The following PEAK1 variants were observed in gnomAD, a reference collection of about 807,000 sequenced individuals.
PEAK1 encodes inactive tyrosine-protein kinase PEAK1.
A neutral mutation model predicts 124.7 loss-of-function variants in PEAK1; 54 were observed. That is an observed-to-expected ratio of 0.43 (90% confidence interval 0.35 to 0.54). The LOEUF (loss-of-function observed/expected upper bound fraction) is 0.54. PEAK1 is among the 20% of genes least tolerant of loss of function. The pLI, the probability that PEAK1 is intolerant of heterozygous loss-of-function variation, is 0.01. For missense variants in PEAK1, 2,046 were observed against 2,134.5 expected (o/e 0.96, Z 0.82); for synonymous variants, 719 against 760.0 (o/e 0.95, Z 0.89).
chr15:77,181,946 C>A lies in PEAK1; in HGVS notation c.-20G>T. 7 of 1,529,364 alleles carry A rather than the reference C, an allele frequency of 4.6e-6. No individual in the cohort carries two copies. The highest frequency in any genetic ancestry group is 6.1e-6 in the Non-Finnish European group (7 of 1,140,938). 94.7% of individuals were successfully genotyped at this position (1,529,364 alleles called of 1,614,324 possible). ...AGACATTTTTAAAAATAGAACTTCA[C>A]AGACAATGCTTTTCTTTCAGTGCAT... is the stretch of plus-strand genomic sequence containing the variant. On this transcript the variant is annotated 5_prime_UTR_variant, in exon 7 of 10. Transcript: ENST00000682557.
At chr15:77,221,422 G>C (rs2059386030) in intron 6 of PEAK1, among the ~76,000 whole-genome samples, 1 of 152,108 alleles carries the variant, frequency 6.6e-6, no homozygotes, top group Admixed American at 6.6e-5. Flanking sequence ...TGAGCAGCCA[G>C]ATGGTTGGTA....
At chr15:77,337,182 A>T in intron 2 of PEAK1, 1 of 985,106 alleles carries the variant, frequency 1.0e-6, no homozygotes, top group Non-Finnish European at 1.2e-6. Flanking sequence ...TTTGAGAAGC[A>T]GGTAGAGGAG....
rs1186812139 is a variant in PEAK1, at chr15:77,113,883, C to T, written c.*273G>A. 6 of 425,532 alleles carry T rather than the reference C, an allele frequency of 1.4e-5. No homozygotes were observed. In the East Asian group the frequency reaches 2.3e-4, roughly 17 times the overall value. 26.4% of individuals were successfully genotyped at this position (425,532 alleles called of 1,614,324 possible). A position where few individuals can be genotyped will look rare whatever the true frequency, so the allele number is the denominator to read the frequency against. Reference sequence around the variant, plus strand: ...TCAAGAATATGGATTTTCATTTTTACCTGCATTTATGGGACTATTAGGATA... The same window carrying T: ...TCAAGAATATGGATTTTCATTTTTATCTGCATTTATGGGACTATTAGGATA... On this transcript the variant is annotated 3_prime_UTR_variant, in exon 10 of 10. Coordinates refer to ENST00000682557, the MANE Select transcript of PEAK1 (RefSeq NM_001385026.1).
chr15:77,307,583 A>G (rs1461100668), intron 2 of PEAK1, among the ~76,000 whole-genome samples: 1 of 152,054 alleles, frequency 6.6e-6, no homozygotes, highest in Non-Finnish European at 1.5e-5. Flanking sequence ...CCTCTTCAGG[A>G]GGTCTTATGC....
At chr15:77,386,233 C>T (rs1268771212) in intron 1 of PEAK1, among the ~76,000 whole-genome samples, 1 of 152,128 alleles carries the variant, frequency 6.6e-6, no homozygotes, top group Non-Finnish European at 1.5e-5. Flanking sequence ...AGATGTGGAC[C>T]CACGAAGTAC....
intron 6 of PEAK1, among the ~76,000 whole-genome samples, chr15:77,246,109 A>G (rs1259801459): frequency 6.7e-6 from 1 of 149,006 alleles, no homozygotes; most frequent in Non-Finnish European, 1.5e-5. Flanking sequence ...CCAGGGTTCA[A>G]GCAATTATCC....
chr15:77,124,759 T>G (rs1220962464), intron 9 of PEAK1, among the ~76,000 whole-genome samples: 1 of 152,208 alleles, frequency 6.6e-6, no homozygotes, highest in Non-Finnish European at 1.5e-5. Flanking sequence ...CAAAATAAAG[T>G]CTAACCTCTT....
intron 8 of PEAK1, among the ~76,000 whole-genome samples, chr15:77,140,708 C>A (rs2053709837): frequency 6.6e-6 from 1 of 151,748 alleles, no homozygotes; most frequent in Admixed American, 6.6e-5. Flanking sequence ...TGCGTTCTTG[C>A]CATTTCTTTT....
intron 9 of PEAK1, among the ~76,000 whole-genome samples, chr15:77,126,390 G>T: frequency 6.6e-6 from 1 of 152,010 alleles, no homozygotes; most frequent in African/African-American, 2.4e-5. Context: ...TTAAATTCTT[G>T]AAGCTGTCTG....
chr15:77,232,453 A>G (rs914964113), intron 6 of PEAK1, among the ~76,000 whole-genome samples: 5 of 152,176 alleles, frequency 3.3e-5, no homozygotes, highest in African/African-American at 9.7e-5. Context: ...CCATTTTGAG[A>G]TAAGAGTTTC....
intron 6 of PEAK1, among the ~76,000 whole-genome samples, chr15:77,237,637 T>G (rs983951495): frequency 3.9e-5 from 6 of 152,098 alleles, no homozygotes; most frequent in African/African-American, 1.4e-4. Context: ...TATGTATTTA[T>G]TTTTTTCTAC....
At chr15:77,217,355 A>G (rs1409903183) in intron 6 of PEAK1, among the ~76,000 whole-genome samples, 1 of 152,142 alleles carries the variant, frequency 6.6e-6, no homozygotes, top group East Asian at 1.9e-4. Context: ...GGTCATGACA[A>G]CAGTTTTTTG....
chr15:77,154,817 ACT>A (rs2054976437), intron 8 of PEAK1, among the ~76,000 whole-genome samples: 1 of 151,550 alleles, frequency 6.6e-6, no homozygotes, highest in Non-Finnish European at 1.5e-5. Flanking sequence ...ATTGGCCCCC[ACT>A]CTCTTCTGGC....
Position 77,224,076 on chromosome 15 carries a change from A to G in PEAK1, c.-115+28291T>C, listed in dbSNP as rs2059519349. Among the ~76,000 whole-genome samples, 5 of 151,650 alleles carry G rather than the reference A, an allele frequency of 3.3e-5. 1 individual carries two copies. The Admixed American group carries it at 3.3e-4, about 10-fold the overall frequency. ...TGGACAGGGTTATTCTTTATCTCTC[A>G]TAATAATTTAAAATATCTGAATCAA... On this transcript the variant is annotated intron_variant, in intron 6 of 9. Coordinates refer to ENST00000682557, the MANE Select transcript of PEAK1 (RefSeq NM_001385026.1).
At position 77,114,743 on chromosome 15, in the gene PEAK1, T is replaced by C. The variant is rs536085287; in HGVS notation, c.4654A>G (p.Ile1552Val). 1 of 1,613,386 alleles carries C rather than the reference T, an allele frequency of 6.2e-7. No homozygotes were observed. Among genetic ancestry groups the C allele is most frequent in the Non-Finnish European group, 8.5e-7 (1 of 1,179,934 alleles). Reference protein sequence around the residue: ...SPTSSYPTRLIVSNFSQAKQK... With the variant: ...SPTSSYPTRLVVSNFSQAKQK... ...TTGGCCTGAGAGAAGTTGCTCACTA[T>C]AAGCCTAGTGGGATAAGATGAGGTG... The change falls in exon 10 of 10, where the codon ATA (isoleucine) becomes GTA (valine). Residue 1552 changes from isoleucine (I) to valine (V), a missense_variant. Transcript: ENST00000682557.
chr15:77,419,511 C>T (rs2073185978), intron 1 of PEAK1: 2 of 985,246 alleles, frequency 2.0e-6, no homozygotes, highest in Non-Finnish European at 2.4e-6. Context: ...CCGGCTCCGT[C>T]CCGACGCTGC....
intron 1 of PEAK1, among the ~76,000 whole-genome samples, chr15:77,406,057 A>G (rs1427298068): frequency 6.6e-6 from 1 of 152,220 alleles, no homozygotes; most frequent in Non-Finnish European, 1.5e-5. Flanking sequence ...TATGCTGCAT[A>G]GAAGAAAATA....
At chr15:77,356,188 A>G (rs1048640801) in intron 2 of PEAK1, among the ~76,000 whole-genome samples, 2 of 152,230 alleles carry the variant, frequency 1.3e-5, no homozygotes, top group Non-Finnish European at 2.9e-5. Context: ...ACAGCAGAGT[A>G]GCTACATGAG....
intron 5 of PEAK1, among the ~76,000 whole-genome samples, chr15:77,278,170 T>TA (rs965527073): frequency 5.3e-5 from 8 of 152,038 alleles, no homozygotes; most frequent in Non-Finnish European, 1.2e-4. Context: ...AAAATTGCTC[T>TA]AAAAAAATGA....
Sources: gnomAD v4.1 joint callset for allele counts (sites outside exome capture counted in the v4.1 genomes callset) on GRCh38, gnomAD v4.1.1 for gene constraint, MANE v1.5 for transcripts, NCBI Gene and HGNC (gene_info 2026-07-23, HGNC 2026-07-21) for gene names.